TP63: variants seen among roughly 807,000 people sequenced by gnomAD.
TP63 encodes tumor protein 63.
TP63 carries 17 observed loss-of-function variants against 82.8 expected under a neutral mutation model. That is an observed-to-expected ratio of 0.21 (90% CI 0.14 to 0.31). TP63 has a LOEUF of 0.31. Ranked by LOEUF, TP63 falls within the 10% of genes least tolerant of loss-of-function variation. The pLI is 1.00. For synonymous variants in TP63, 330 were observed against 321.7 expected (o/e 1.03, Z -0.28); for missense variants, 648 against 895.3 (o/e 0.72, Z 3.52).
intron 8 of TP63, among the ~76,000 whole-genome samples, chr3:189,869,038 G>A (rs1266924164): frequency 1.3e-5 from 2 of 152,106 alleles, no homozygotes; most frequent in Non-Finnish European, 1.5e-5. Context: ...CATTACTTAA[G>A]CCAAAGGCTA....
At chr3:189,644,928 T>A (rs1250297807) in intron 1 of TP63, among the ~76,000 whole-genome samples, 2 of 143,648 alleles carry the variant, frequency 1.4e-5, no homozygotes, top group African/African-American at 5.1e-5. Flanking sequence ...TTTTTTTTTA[T>A]GGTGAAATGG....
At chr3:189,660,703 GT>G (rs919889729) in intron 1 of TP63, among the ~76,000 whole-genome samples, 9 of 151,642 alleles carry the variant, frequency 5.9e-5, no homozygotes. Context: ...AGCATGGAAT[GT>G]TTTTTTTCAT....
At chr3:189,870,203 G>A (rs1033777488) in intron 9 of TP63, among the ~76,000 whole-genome samples, 1 of 152,054 alleles carries the variant, frequency 6.6e-6, no homozygotes, top group East Asian at 1.9e-4. Context: ...TGTCTTTTAG[G>A]CAGCACTATA....
chr3:189,606,028 A>G, the TP63 span, among the ~76,000 whole-genome samples: 1 of 152,226 alleles, frequency 6.6e-6, no homozygotes, highest in African/African-American at 2.4e-5. Context: ...ATTTAAAACA[A>G]AAATAAACTT....
chr3:189,602,342 T>C, the TP63 span, among the ~76,000 whole-genome samples: 1 of 152,142 alleles, frequency 6.6e-6, no homozygotes, highest in African/African-American at 2.4e-5. Context: ...AAGAGAGATA[T>C]TAATGGATGG....
chr3:189,731,331 A>G (rs1370351233), intron 1 of TP63, among the ~76,000 whole-genome samples: 2 of 146,812 alleles, frequency 1.4e-5, no homozygotes, highest in African/African-American at 5.1e-5. Flanking sequence ...GCAAGAGAGA[A>G]AGCCTTCATC....
At chr3:189,718,108 A>G (rs1719099752) in intron 1 of TP63, among the ~76,000 whole-genome samples, 1 of 152,160 alleles carries the variant, frequency 6.6e-6, no homozygotes, top group African/African-American at 2.4e-5. Context: ...AGCATCTACA[A>G]GTGATGGATT....
intron 5 of TP63, among the ~76,000 whole-genome samples, chr3:189,866,375 C>T (rs1008314850): frequency 3.3e-5 from 5 of 152,120 alleles, no homozygotes; most frequent in Admixed American, 6.5e-5. Flanking sequence ...ATTTCCTCCA[C>T]GATGAGGTCA....
At chr3:189,869,297 A>T (rs928427677) in intron 8 of TP63, 27 bp from the exon 9 acceptor site, 2 of 1,599,320 alleles carry the variant, frequency 1.3e-6, no homozygotes, top group African/African-American at 2.7e-5. Flanking sequence ...TGTTCCCAGG[A>T]TGAAACTTGC....
chr3:189,730,756 G>A (rs4687091), intron 1 of TP63, among the ~76,000 whole-genome samples: 59,270 of 151,916 alleles, frequency 0.39, 11,783 homozygotes, highest in African/African-American at 0.47. Flanking sequence ...GATTTCTCCT[G>A]CAACATTCTC....
intron 1 of TP63, among the ~76,000 whole-genome samples, chr3:189,693,544 T>A (rs1349867594): frequency 6.6e-6 from 1 of 152,184 alleles, no homozygotes; most frequent in Admixed American, 6.5e-5. Flanking sequence ...CTACAAATCA[T>A]GGAGTGCTTC....
chr3:189,660,026 C>T (rs1713731070), intron 1 of TP63, among the ~76,000 whole-genome samples: 1 of 151,830 alleles, frequency 6.6e-6, no homozygotes, highest in Non-Finnish European at 1.5e-5. Context: ...GTTGATAATT[C>T]CTTTTGCTTC....
chr3:189,684,288 A>T (rs1716228635), intron 1 of TP63, among the ~76,000 whole-genome samples: 2 of 152,192 alleles, frequency 1.3e-5, no homozygotes, highest in Admixed American at 1.3e-4. Flanking sequence ...TTAAAACCTA[A>T]CATCCTATAG....
rs1719001976 is a variant in TP63 at position 189,875,607 on chromosome 3, T to TATATATATATATATATATACACAC, written c.1349+2631_1349+2632insCACACATATATATATATATATATA. Among the ~76,000 whole-genome samples, 11 of 56,104 alleles carry TATATATATATATATATATACACAC rather than the reference T, an allele frequency of 2.0e-4. 1 individual carries two copies. The highest frequency in any genetic ancestry group is 4.2e-4 in the Non-Finnish European group (10 of 23,748). The allele number at this position is 56,104 out of a possible 152,430, so 36.8% of individuals were successfully genotyped here. On this transcript the variant is annotated intron_variant, in intron 10 of 13. Coordinates refer to ENST00000264731, the MANE Select transcript of TP63 (RefSeq NM_003722.5). The stretch of plus-strand genomic sequence containing the variant: ...AAAAATACATACATATATATATATA[T>TATATATATATATATATATACACAC]ATATATATATATATATATATATATA...
At chr3:189,831,847 T>G (rs1241227601) in intron 4 of TP63, among the ~76,000 whole-genome samples, 1 of 112,474 alleles carries the variant, frequency 8.9e-6, no homozygotes, top group East Asian at 2.3e-4. Context: ...TTTTTTTTTT[T>G]GAGACGGAGT....
At chr3:189,668,554 G>A (rs1305196671) in intron 1 of TP63, among the ~76,000 whole-genome samples, 1 of 151,956 alleles carries the variant, frequency 6.6e-6, no homozygotes, top group Non-Finnish European at 1.5e-5. Flanking sequence ...AAGTGTCAAT[G>A]GATTTCAACC....
chr3:189,788,937 TAAA>T (rs34829028), intron 3 of TP63, among the ~76,000 whole-genome samples: 2 of 143,072 alleles, frequency 1.4e-5, no homozygotes. Context: ...AGCGTTTTGT[TAAA>T]AAAAAAAAAA....
At chr3:189,690,358 G>T (rs1179064525) in intron 1 of TP63, among the ~76,000 whole-genome samples, 2 of 152,156 alleles carry the variant, frequency 1.3e-5, no homozygotes, top group African/African-American at 4.8e-5. Flanking sequence ...GTAACTTGGT[G>T]TTTGGCACTC....
intron 1 of TP63, among the ~76,000 whole-genome samples, chr3:189,736,842 G>A (rs1274540225): frequency 6.6e-6 from 1 of 151,982 alleles, no homozygotes; most frequent in African/African-American, 2.4e-5. Context: ...AACAGGAACA[G>A]TAACACTTAA....
Sources: gnomAD v4.1 joint callset for allele counts (sites outside exome capture counted in the v4.1 genomes callset) on GRCh38, gnomAD v4.1.1 for gene constraint, MANE v1.5 for transcripts, NCBI Gene and HGNC (gene_info 2026-07-23, HGNC 2026-07-21) for gene names.